Variants in ZBTB37 observed in about 807,000 individuals in gnomAD.
ZBTB37 encodes the protein zinc finger and BTB domain containing 37, also known as zinc finger and BTB domain-containing protein 37.
ZBTB37 carries 15 observed loss-of-function variants against 37.7 expected under a neutral mutation model. The observed-to-expected ratio is 0.40, with a 90% CI of 0.27 to 0.61. The LOEUF (loss-of-function observed/expected upper bound fraction) is 0.61. Among genes scored for constraint, ZBTB37 ranks in the 20% least tolerant of loss-of-function variants. ZBTB37 has a pLI of 0.44. For synonymous variants in ZBTB37, 231 were observed against 220.6 expected (o/e 1.05, Z -0.42); for missense variants, 514 against 641.9 (o/e 0.80, Z 2.15).
At chr1:173,890,103 G>C (rs1433622597), downstream of ZBTB37, 7 of 152,124 alleles carry the variant, frequency 4.6e-5, no homozygotes, top group Admixed American at 4.6e-4. Flanking sequence ...GGCTCAAGTG[G>C]TCCTCCTTCC....
At chr1:173,898,788 A>G (rs1224501041) in exon 4 of ZBTB37, 3 of 152,214 alleles carry the variant, frequency 2.0e-5, no homozygotes, top group South Asian at 2.1e-4. Context: ...AGCCAAGTCA[A>G]CTTGTCCACT....
exon 5 of ZBTB37, chr1:173,886,133 G>C: frequency 1.9e-6 from 3 of 1,547,038 alleles, no homozygotes; most frequent in Middle Eastern, 3.4e-4. Context: ...GAAACATCCA[G>C]GGGGAGGGGG....
chr1:173,892,217 C>A (rs1042497570), exon 4 of ZBTB37: 2 of 152,070 alleles, frequency 1.3e-5, no homozygotes, highest in Non-Finnish European at 2.9e-5. Flanking sequence ...TTTTGTTAGC[C>A]CAGTGAATCA....
chr1:173,872,595 A>G (rs956804311), intron 3 of ZBTB37, among the ~76,000 whole-genome samples: 4 of 152,172 alleles, frequency 2.6e-5, no homozygotes, highest in African/African-American at 7.2e-5. Context: ...CTGTATCAGA[A>G]GTTCTCGGGT....
At chr1:173,898,298 TA>T (rs1225675902) in exon 4 of ZBTB37, 2 of 151,812 alleles carry the variant, frequency 1.3e-5, no homozygotes, top group Non-Finnish European at 2.9e-5. Context: ...CCGTCTCTAC[TA>T]AAAATACAAA....
intron 3 of ZBTB37, among the ~76,000 whole-genome samples, chr1:173,872,709 A>C (rs553358427): frequency 6.6e-5 from 10 of 152,050 alleles, no homozygotes; most frequent in South Asian, 2.1e-4. Context: ...AAAAAAAACT[A>C]TCAGAAGTAA....
At chr1:173,874,959 G>A (rs963524048) in intron 4 of ZBTB37, among the ~76,000 whole-genome samples, 1 of 151,866 alleles carries the variant, frequency 6.6e-6, no homozygotes, top group Non-Finnish European at 1.5e-5. Context: ...TTCGATGTCA[G>A]CAGAGTTTGG....
rs1219268182 is a variant in ZBTB37 at position 173,869,107 on chromosome 1, C to T, written c.-43C>T. On this transcript the variant is annotated 5_prime_UTR_variant, in exon 2 of 5. The change creates a new upstream start codon in the 5' untranslated region. Coordinates refer to ENST00000427304, the Ensembl canonical transcript of ZBTB37. ...TTAAAAGTTTCAAAACAAACAATAA[C>T]GCTTTGGAAAAAGGTCAGATTGGCT... 2 of 152,556 alleles carry T rather than the reference C, an allele frequency of 1.3e-5. No homozygotes were observed. The highest frequency in any genetic ancestry group is 2.4e-5 in the African/African-American group (1 of 41,424). The allele number at this position is 152,556 out of a possible 1,614,324, so 9.5% of individuals were successfully genotyped here.
chr1:173,876,459 AGGT>A (rs1655974063), intron 4 of ZBTB37, among the ~76,000 whole-genome samples: 1 of 152,114 alleles, frequency 6.6e-6, no homozygotes, highest in African/African-American at 2.4e-5. Flanking sequence ...CTGGGACTAC[AGGT>A]GCATGCTACC....
chr1:173,882,427 A>G (rs973498159), intron 4 of ZBTB37, among the ~76,000 whole-genome samples: 4 of 151,754 alleles, frequency 2.6e-5, no homozygotes, highest in African/African-American at 9.7e-5. Context: ...TTTTTAGTAG[A>G]GACAGGGTTT....
chr1:173,885,343 C>T (rs1390526582), intron 4 of ZBTB37, among the ~76,000 whole-genome samples: 6 of 152,196 alleles, frequency 3.9e-5, no homozygotes, highest in African/African-American at 1.4e-4. Flanking sequence ...GGCTCAGTTT[C>T]TCCTCACATT....
intron 4 of ZBTB37, 121 bp downstream of exon 4, chr1:173,873,687 C>T: frequency 5.6e-6 from 8 of 1,433,408 alleles, no homozygotes; most frequent in Non-Finnish European, 7.4e-6. Flanking sequence ...TAAAGAAATA[C>T]TGTATTTTTT....
At chr1:173,902,490 T>C (rs947267073) in exon 4 of ZBTB37, 1 of 152,392 alleles carries the variant, frequency 6.6e-6, no homozygotes, top group Admixed American at 6.5e-5. Context: ...ACTCCATTAA[T>C]AGTAAAGATG....
chr1:173,875,990 C>G (rs1340561018), intron 4 of ZBTB37, among the ~76,000 whole-genome samples: 2 of 152,116 alleles, frequency 1.3e-5, no homozygotes, highest in South Asian at 4.1e-4. Flanking sequence ...TTTGCTATTT[C>G]ATGTACTGTA....
exon 4 of ZBTB37, chr1:173,891,873 C>G (rs1453574772): frequency 2.6e-5 from 4 of 152,174 alleles, no homozygotes; most frequent in African/African-American, 2.4e-5. Context: ...CATGCTGATA[C>G]AGTATAGGGA....
At chr1:173,880,389 G>A (rs1042517637) in intron 4 of ZBTB37, among the ~76,000 whole-genome samples, 1 of 152,194 alleles carries the variant, frequency 6.6e-6, no homozygotes, top group African/African-American at 2.4e-5. Flanking sequence ...TGGGTCTGCG[G>A]TTAGTAACTG....
intron 4 of ZBTB37, among the ~76,000 whole-genome samples, chr1:173,877,498 C>G (rs895642751): frequency 6.6e-6 from 1 of 151,098 alleles, no homozygotes; most frequent in Non-Finnish European, 1.5e-5. Context: ...CCCCTCACCT[C>G]AGCTCCTGAG....
exon 3 of ZBTB37, chr1:173,870,973 C>G (rs1417459662): frequency 6.2e-7 from 1 of 1,614,192 alleles, no homozygotes; most frequent in Non-Finnish European, 8.5e-7. Flanking sequence ...AACTGAAAAT[C>G]TGGAGGAGTG....
chr1:173,883,608 A>T (rs1488004928), intron 4 of ZBTB37, among the ~76,000 whole-genome samples: 2 of 152,236 alleles, frequency 1.3e-5, no homozygotes, highest in African/African-American at 4.8e-5. Flanking sequence ...GTCCCTGGTC[A>T]CCCAAGACCT....
Sources: allele counts gnomAD v4.1 joint callset (sites outside exome capture counted in the v4.1 genomes callset), GRCh38; gene constraint gnomAD v4.1.1; transcripts MANE v1.5; gene names NCBI Gene and HGNC (gene_info 2026-07-23, HGNC 2026-07-21).